The following SLC6A11 variants were observed in gnomAD, a reference collection of about 807,000 sequenced individuals.
The protein encoded by SLC6A11 is solute carrier family 6 member 11, also known as sodium- and chloride-dependent GABA transporter 3.
Under a neutral mutation model 74.8 loss-of-function variants are expected in SLC6A11, and 25 were observed. The observed-to-expected ratio is 0.33, with a 90% CI of 0.24 to 0.47. The LOEUF (loss-of-function observed/expected upper bound fraction) is 0.47, where lower values mean the gene tolerates loss of function less well. SLC6A11 is among the 20% of genes least tolerant of loss of function. The pLI is 1.00. For missense variants in SLC6A11, 574 were observed against 837.0 expected, an observed-to-expected ratio of 0.69 and a Z score of 3.88; for synonymous variants, 330 against 330.2, an observed-to-expected ratio of 1.00 and a Z score of 0.01.
At chr3:10,897,349 G>T (rs1695183462) in intron 6 of SLC6A11, among the ~76,000 whole-genome samples, 1 of 152,164 alleles carries the variant, frequency 6.6e-6, no homozygotes, top group South Asian at 2.1e-4. Flanking sequence ...ACAGTCCAAA[G>T]TCTCATCTGA....
At chr3:10,828,728 C>T (rs1427141748) in intron 4 of SLC6A11, among the ~76,000 whole-genome samples, 4 of 152,158 alleles carry the variant, frequency 2.6e-5, no homozygotes, top group African/African-American at 7.2e-5. Context: ...TATGGGGAGC[C>T]CTCCTTGACC....
intron 4 of SLC6A11, among the ~76,000 whole-genome samples, chr3:10,828,097 C>G (rs1260196815): frequency 6.6e-6 from 1 of 152,174 alleles, no homozygotes; most frequent in African/African-American, 2.4e-5. Context: ...TGAGCCTGTA[C>G]CCTCTGGTGG....
chr3:10,907,755 G>A (rs1403158286), intron 6 of SLC6A11, among the ~76,000 whole-genome samples: 1 of 152,210 alleles, frequency 6.6e-6, no homozygotes, highest in Non-Finnish European at 1.5e-5. Flanking sequence ...GAGAGCCAAG[G>A]ATTTTATATA....
chr3:10,899,117 C>T (rs1695206145), intron 6 of SLC6A11, among the ~76,000 whole-genome samples: 1 of 152,208 alleles, frequency 6.6e-6, no homozygotes, highest in South Asian at 2.1e-4. Context: ...CTGGTCCCTC[C>T]CACAACATGT....
chr3:10,840,291 T>C (rs1694421182), intron 4 of SLC6A11, among the ~76,000 whole-genome samples: 1 of 152,170 alleles, frequency 6.6e-6, no homozygotes, highest in Non-Finnish European at 1.5e-5. Flanking sequence ...CTTTTGCCCT[T>C]GGGGGCCTTT....
At chr3:10,836,496 A>G (rs1694368965) in intron 4 of SLC6A11, among the ~76,000 whole-genome samples, 1 of 152,254 alleles carries the variant, frequency 6.6e-6, no homozygotes, top group Admixed American at 6.5e-5. Flanking sequence ...ATTTCTCCAC[A>G]TCTTCACCAA....
At chr3:10,843,511 C>T (rs185173260) in intron 4 of SLC6A11, among the ~76,000 whole-genome samples, 49 of 152,306 alleles carry the variant, frequency 3.2e-4, no homozygotes, top group African/African-American at 1.1e-3. Context: ...ATTTGACTCA[C>T]ATATCACTTC....
At chr3:10,884,771 G>A (rs142156872) in intron 6 of SLC6A11, among the ~76,000 whole-genome samples, 2 of 152,150 alleles carry the variant, frequency 1.3e-5, no homozygotes, top group African/African-American at 4.8e-5. Flanking sequence ...CTTCTCTGTG[G>A]TAACCTTGTC....
At chr3:10,903,256 C>T (rs184666500) in intron 6 of SLC6A11, among the ~76,000 whole-genome samples, 2 of 152,294 alleles carry the variant, frequency 1.3e-5, no homozygotes, top group East Asian at 3.9e-4. Flanking sequence ...ATTGGAGGCT[C>T]TCTTTGCAGA....
intron 4 of SLC6A11, chr3:10,824,292 T>A (rs1694176104): frequency 6.6e-6 from 1 of 152,222 alleles, no homozygotes; most frequent in Non-Finnish European, 1.5e-5. Flanking sequence ...AAGGCTGGAC[T>A]AAATGCTTTC....
chr3:10,858,367 C>A (rs925254561), intron 5 of SLC6A11, among the ~76,000 whole-genome samples: 2 of 152,224 alleles, frequency 1.3e-5, no homozygotes, highest in African/African-American at 4.8e-5. Flanking sequence ...CTCCCCACCC[C>A]ACAGGAAGTG....
intron 6 of SLC6A11, among the ~76,000 whole-genome samples, chr3:10,893,532 G>A (rs538280461): frequency 3.9e-5 from 6 of 152,224 alleles, no homozygotes; most frequent in Non-Finnish European, 7.4e-5. Context: ...TTTTGGTTTC[G>A]GTTTCTGACA....
At chr3:10,858,567 ACT>A (rs1694665357) in intron 5 of SLC6A11, among the ~76,000 whole-genome samples, 1 of 152,198 alleles carries the variant, frequency 6.6e-6, no homozygotes, top group Non-Finnish European at 1.5e-5. Flanking sequence ...TGTTGCAATC[ACT>A]AACTTATGTT....
rs1411099958 is a variant in SLC6A11, at chr3:10,823,315, G to A, written c.546G>A (p.Glu182=). Residue 182 remains glutamate, a synonymous_variant, in exon 4 of 14, where the codon GAG becomes GAA. Transcript: ENST00000254488. Reference sequence around the variant, plus strand: ...TTTCCACTGTAGAGAATTGTGTGGAGTTCCAGAAACTGAATGTGAGCAACT... The same window carrying A: ...TTTCCACTGTAGAGAATTGTGTGGAATTCCAGAAACTGAATGTGAGCAACT... The part of the protein sequence containing the change: ...GHEWNTENCV[E]FQKLNVSNYS... 8.7e-6 allele frequency: 14 copies of A among 1,611,446 alleles called. No homozygotes were observed. Among genetic ancestry groups the A allele is most frequent in the Non-Finnish European group, 1.0e-5 (12 of 1,177,568 alleles).
chr3:10,867,098 T>A (rs1694771671), intron 5 of SLC6A11, among the ~76,000 whole-genome samples: 1 of 152,186 alleles, frequency 6.6e-6, no homozygotes, highest in Non-Finnish European at 1.5e-5. Context: ...CAGATGCACC[T>A]GAGAGATAGA....
At chr3:10,899,508 A>C (rs1032444922) in intron 6 of SLC6A11, among the ~76,000 whole-genome samples, 1 of 152,232 alleles carries the variant, frequency 6.6e-6, no homozygotes, top group African/African-American at 2.4e-5. Flanking sequence ...GTGATGAATG[A>C]AACACTAGCT....
intron 6 of SLC6A11, among the ~76,000 whole-genome samples, chr3:10,897,473 G>C (rs1173412848): frequency 6.6e-6 from 1 of 152,172 alleles, no homozygotes; most frequent in African/African-American, 2.4e-5. Context: ...CAAATGAAAG[G>C]AATCGGCCAA....
intron 5 of SLC6A11, among the ~76,000 whole-genome samples, chr3:10,870,343 T>C (rs1694814637): frequency 6.6e-6 from 1 of 152,190 alleles, no homozygotes; most frequent in Non-Finnish European, 1.5e-5. Context: ...TGAGAAAGCA[T>C]AAATGAAACA....
Position 10,918,546 on chromosome 3 carries a change from C to T in SLC6A11, c.1120+93C>T. 1 of 1,427,802 alleles carries T rather than the reference C, an allele frequency of 7.0e-7. No homozygotes were observed. Among genetic ancestry groups the T allele is most frequent in the South Asian group, 1.3e-5 (1 of 74,628 alleles). The allele number at this position is 1,427,802 out of a possible 1,614,324, so 88.4% of individuals were successfully genotyped here. ...ATGCGATCTTCCTCCTCGGCTCACA[C>T]ATCTCCTGGATTCAGGCCTCAGAAA... On this transcript the variant is annotated intron_variant, in intron 8 of 13. Transcript: ENST00000254488. The surrounding 1 kb of genome is among the most constrained non-coding windows in gnomAD (Gnocchi z 4.5).
Sources: gnomAD v4.1 joint callset for allele counts (sites outside exome capture counted in the v4.1 genomes callset) on GRCh38, gnomAD v4.1.1 for gene constraint, Gnocchi (gnomAD v3.1) non-coding constraint, MANE v1.5 for transcripts, NCBI Gene and HGNC (gene_info 2026-07-23, HGNC 2026-07-21) for gene names.